CNNM3: variants seen among roughly 807,000 people sequenced by gnomAD.
CNNM3 encodes metal transporter CNNM3.
A neutral mutation model predicts 57.1 loss-of-function variants in CNNM3; 47 were observed. The ratio of observed to expected loss-of-function variants is 0.82; its 90% CI spans 0.65 to 1.05. The LOEUF (loss-of-function observed/expected upper bound fraction) is 1.05. Among genes scored for constraint, CNNM3 ranks in the 50% least tolerant of loss-of-function variants. The pLI is 0.00. For missense variants in CNNM3, 957 were observed against 973.7 expected (o/e 0.98, Z 0.23); for synonymous variants, 507 against 478.2 (o/e 1.06, Z -0.79).
intron 2 of CNNM3, among the ~76,000 whole-genome samples, chr2:96,826,035 AGAAG>A (rs2079497914): frequency 6.6e-6 from 1 of 152,186 alleles, no homozygotes; most frequent in Non-Finnish European, 1.5e-5. Context: ...GCATGCTTCC[AGAAG>A]TATCGCTTTA....
chr2:96,828,406 T>A (rs2079546039), intron 5 of CNNM3, 161 bp from the exon 6 acceptor site: 1 of 976,134 alleles, frequency 1.0e-6, no homozygotes, highest in African/African-American at 1.6e-5. Flanking sequence ...GCAAAACCTC[T>A]CCCGGCTGTG....
chr2:96,823,976 T>C (rs1332186853), intron 1 of CNNM3, among the ~76,000 whole-genome samples: 1 of 152,248 alleles, frequency 6.6e-6, no homozygotes, highest in Non-Finnish European at 1.5e-5. Flanking sequence ...ATTTTTTGTA[T>C]TGATTACGTA....
intron 7 of CNNM3, among the ~76,000 whole-genome samples, chr2:96,830,437 C>T (rs970928711): frequency 1.3e-5 from 2 of 152,236 alleles, no homozygotes; most frequent in Non-Finnish European, 2.9e-5. Flanking sequence ...TTCCTGTAGG[C>T]CTCCCGTGGA....
At position 96,834,116 on chromosome 2, in the gene CNNM3, C is replaced by G. The variant is rs1422304762; in HGVS notation, c.*1500C>G. ...TATTTTTAGTAGAGATGGGGTTTCA[C>G]CATGTTGGCCAGGCTGATCTTGAAC... On this transcript the variant is annotated 3_prime_UTR_variant, in exon 8 of 8. Coordinates refer to ENST00000305510, the MANE Select transcript of CNNM3 (RefSeq NM_017623.5). 2.0e-5 allele frequency among the ~76,000 whole-genome samples: 3 copies of G among 151,990 alleles called. No homozygotes were observed. Among genetic ancestry groups the G allele is most frequent in the Non-Finnish European group, 4.4e-5 (3 of 68,000 alleles).
chr2:96,831,819 C>A, intron 7 of CNNM3: 1 of 213,276 alleles, frequency 4.7e-6, no homozygotes, highest in Non-Finnish European at 8.1e-6. Context: ...GGCTGTGGGG[C>A]AGCGCAGCAC....
chr2:96,822,551 C>A lies in CNNM3; in HGVS notation c.1226-2507C>A, dbSNP rs567847910. On this transcript the variant is annotated intron_variant, in intron 1 of 7. Transcript: ENST00000305510. ...TCTCAAACTCCTGGCCTCAAGCGAT[C>A]CTCCCAGCTCAGCTTCCCAAAGAGA... is the stretch of plus-strand genomic sequence containing the variant. Among the ~76,000 whole-genome samples the A allele has an allele frequency of 1.2e-3, 179 of 152,238 alleles. 1 individual carries two copies. Among genetic ancestry groups the A allele is most frequent in the African/African-American group, 4.2e-3 (173 of 41,510 alleles).
intron 7 of CNNM3, chr2:96,829,343 C>G (rs2153356025): frequency 1.9e-6 from 1 of 524,186 alleles, no homozygotes; most frequent in South Asian, 8.2e-5. Flanking sequence ...CTCTGTTGCC[C>G]AGGCTGGAGT....
At position 96,832,925 on chromosome 2, in the gene CNNM3, C is replaced by A; in HGVS notation, c.*309C>A. 7.0e-7 allele frequency: 1 copy of A among 1,425,312 alleles called. No homozygotes were observed. Among genetic ancestry groups the A allele is most frequent in the Non-Finnish European group, 9.3e-7 (1 of 1,076,584 alleles). The allele number at this position is 1,425,312 out of a possible 1,614,324, so 88.3% of individuals were successfully genotyped here. On this transcript the variant is annotated 3_prime_UTR_variant, in exon 8 of 8. Coordinates refer to ENST00000305510, the MANE Select transcript of CNNM3 (RefSeq NM_017623.5). Reference sequence around the variant, plus strand: ...CCAGCCTTCCCCTTCTCCCCCGGGGCAGGGACAGTGCGGCATATTCAGATT... The same window carrying A: ...CCAGCCTTCCCCTTCTCCCCCGGGGAAGGGACAGTGCGGCATATTCAGATT...
chr2:96,816,666 A>C lies in CNNM3; in HGVS notation c.389A>C (p.Glu130Ala). 9.6e-7 allele frequency: 1 copy of C among 1,036,706 alleles called. No homozygotes were observed. The highest frequency in any genetic ancestry group is 1.2e-6 in the Non-Finnish European group (1 of 865,760). The allele number at this position is 1,036,706 out of a possible 1,614,324, so 64.2% of individuals were successfully genotyped here. A position where few individuals can be genotyped will look rare whatever the true frequency, so the allele number is the denominator to read the frequency against. Residue 130 changes from glutamate (E) to alanine (A), a missense_variant, in exon 1 of 8, where the codon GAG (glutamate) becomes GCG (alanine). Physicochemically the swap from Glu to Ala is moderately radical, Grantham distance 107. Around this residue, in one of 2 missense-constraint regions of CNNM3, gnomAD observed 466 missense variants for 403.1 expected, o/e 1.16. Transcript: ENST00000305510. ...RVEPGGGAAEEAAPPWALGLG... is the reference protein window; with the variant it reads ...RVEPGGGAAEAAAPPWALGLG... Reference sequence around the variant, plus strand: ...GAGCCGGGTGGCGGGGCGGCTGAGGAGGCGGCGCCGCCCTGGGCTCTGGGC... The same window carrying C: ...GAGCCGGGTGGCGGGGCGGCTGAGGCGGCGGCGCCGCCCTGGGCTCTGGGC...
chr2:96,821,615 G>A (rs994525586), intron 1 of CNNM3, among the ~76,000 whole-genome samples: 2 of 152,130 alleles, frequency 1.3e-5, no homozygotes, highest in African/African-American at 4.8e-5. Context: ...AACTTGGACA[G>A]CTGCTCCTTG....
intron 2 of CNNM3, among the ~76,000 whole-genome samples, chr2:96,826,528 T>G (rs1157019585): frequency 6.6e-6 from 1 of 152,170 alleles, no homozygotes; most frequent in Admixed American, 6.5e-5. Context: ...TTTAAAAAAG[T>G]TTTTAGTCTA....
rs1215743469 is a variant in CNNM3, at chr2:96,826,900, C to G, written c.1437C>G (p.Ser479=). 1.2e-6 allele frequency: 2 copies of G among 1,614,096 alleles called. No individual in the cohort carries two copies. The highest frequency in any genetic ancestry group is 1.7e-6 in the Non-Finnish European group (2 of 1,180,036). ...CTCTGAAGCGGAAGGAGGAGTTCTC[C>G]TTGTTCAAGGTGTCTGATGATGAAT... ...MAPLKRKEEF[S]LFKVSDDEYK... Residue 479 remains serine, a synonymous_variant, in exon 3 of 8, where the codon TCC becomes TCG. Transcript: ENST00000305510.
At position 96,832,819 on chromosome 2, in the gene CNNM3, A is replaced by G; in HGVS notation, c.*203A>G. Reference sequence around the variant, plus strand: ...AGCCGGCCCTGCCCTCCTTTAGGAGACAGGAGTCACCAGGGCACAGCCCTC... The same window carrying G: ...AGCCGGCCCTGCCCTCCTTTAGGAGGCAGGAGTCACCAGGGCACAGCCCTC... On this transcript the variant is annotated 3_prime_UTR_variant, in exon 8 of 8. Transcript: ENST00000305510. The G allele has an allele frequency of 1.3e-6, 2 of 1,512,960 alleles. No individual in the cohort carries two copies. Among genetic ancestry groups the G allele is most frequent in the Non-Finnish European group, 1.8e-6 (2 of 1,132,764 alleles). The allele number at this position is 1,512,960 out of a possible 1,614,324, so 93.7% of individuals were successfully genotyped here. A position where few individuals can be genotyped will look rare whatever the true frequency, so the allele number is the denominator to read the frequency against.
In CNNM3 at chr2:96,827,413, G is replaced by A. The variant is rs193283771; in HGVS notation, c.1520-318G>A. Among the ~76,000 whole-genome samples, 72 of 152,226 alleles carry A rather than the reference G, an allele frequency of 4.7e-4. No homozygotes were observed. In the East Asian group the frequency reaches 0.013, roughly 27 times the overall value. ...CTCCCAAGTAGCTGGGATTACAGGC[G>A]TGTATCACCACGCCCAGCTAATTTT... On this transcript the variant is annotated intron_variant, in intron 3 of 7. Coordinates refer to ENST00000305510, the MANE Select transcript of CNNM3 (RefSeq NM_017623.5).
In CNNM3 at chr2:96,833,076, A is replaced by G. The variant is rs2079632780; in HGVS notation, c.*460A>G. The G allele has an allele frequency of 2.4e-6, 3 of 1,241,712 alleles. No individual in the cohort carries two copies. In the Admixed American group the frequency reaches 6.9e-5, roughly 29 times the overall value. 76.9% of individuals were successfully genotyped at this position (1,241,712 alleles called of 1,614,324 possible). A position where few individuals can be genotyped will look rare whatever the true frequency, so the allele number is the denominator to read the frequency against. On this transcript the variant is annotated 3_prime_UTR_variant, in exon 8 of 8. Coordinates refer to ENST00000305510, the MANE Select transcript of CNNM3 (RefSeq NM_017623.5). Reference sequence around the variant, plus strand: ...GGCAGCACTTTTTGAGCAAGCCGAGAGCACCCATTTTGGCTGGGGGTTCAG... The same window carrying G: ...GGCAGCACTTTTTGAGCAAGCCGAGGGCACCCATTTTGGCTGGGGGTTCAG...
rs1013906291 is a variant in CNNM3, at chr2:96,827,117, C to T, written c.1519+135C>T. ...GTCTTGAGGACTTCTGTGTTCTCTG[C>T]AGCCCTGCCAGCATCTTGGGTCATG... On this transcript the variant is annotated intron_variant, in intron 3 of 7. Transcript: ENST00000305510. 49 of 926,794 alleles carry T rather than the reference C, an allele frequency of 5.3e-5. 1 individual carries two copies. Among genetic ancestry groups the T allele is most frequent in the Admixed American group, 1.1e-4 (4 of 36,324 alleles). The allele number at this position is 926,794 out of a possible 1,614,324, so 57.4% of individuals were successfully genotyped here.
At chr2:96,818,490 A>G (rs1000680235) in intron 1 of CNNM3, among the ~76,000 whole-genome samples, 1 of 151,142 alleles carries the variant, frequency 6.6e-6, no homozygotes, top group African/African-American at 2.4e-5. Flanking sequence ...ACCTCAAGTG[A>G]TCCTCCCACC....
chr2:96,816,636 G>T lies in CNNM3; in HGVS notation c.359G>T (p.Arg120Leu). Residue 120 changes from arginine (R) to leucine (L), a missense_variant, in exon 1 of 8, where the codon CGC becomes CTC. Around this residue, in one of 2 missense-constraint regions of CNNM3, gnomAD observed 466 missense variants for 403.1 expected, o/e 1.16. Transcript: ENST00000305510. ...VRPHSALLAV[R>L]VEPGGGAAEE... ...CCGCACTCGGCGCTGCTGGCGGTGC[G>T]CGTGGAGCCGGGTGGCGGGGCGGCT... 8.0e-6 allele frequency: 9 copies of T among 1,126,636 alleles called. No homozygotes were observed. Among genetic ancestry groups the T allele is most frequent in the Non-Finnish European group, 9.8e-6 (9 of 921,796 alleles). 69.8% of individuals were successfully genotyped at this position (1,126,636 alleles called of 1,614,324 possible). A position where few individuals can be genotyped will look rare whatever the true frequency, so the allele number is the denominator to read the frequency against.
At chr2:96,832,003 T>G in intron 7 of CNNM3, 1 of 986,424 alleles carries the variant, frequency 1.0e-6, no homozygotes, top group Non-Finnish European at 1.2e-6. Flanking sequence ...TTGGCACAGT[T>G]GGAAACTGCA....
Sources: gnomAD v4.1 joint callset for allele counts (sites outside exome capture counted in the v4.1 genomes callset) on GRCh38, gnomAD v4.1.1 for gene constraint, gnomAD v4.1.1 regional missense constraint, MANE v1.5 for transcripts, NCBI Gene and HGNC (gene_info 2026-07-23, HGNC 2026-07-21) for gene names.